BAZ2B: variants seen among roughly 807,000 people sequenced by gnomAD.
BAZ2B encodes bromodomain adjacent to zinc finger domain protein 2B.
BAZ2B carries 91 observed loss-of-function variants against 246.0 expected under a neutral mutation model. That is an observed-to-expected ratio of 0.37 (90% CI 0.31 to 0.44). BAZ2B has a LOEUF of 0.44. BAZ2B is among the 20% of genes least tolerant of loss of function. The probability of loss-of-function intolerance (pLI) is 1.00; values close to 1 mark genes in which losing one functional copy is unlikely to be tolerated. For missense variants in BAZ2B, 2,332 were observed against 2,533.7 expected (o/e 0.92, Z 1.71); for synonymous variants, 855 against 860.0 (o/e 0.99, Z 0.10).
At chr2:159,448,015 T>A (rs188180801) in intron 5 of BAZ2B, among the ~76,000 whole-genome samples, 7 of 152,134 alleles carry the variant, frequency 4.6e-5, no homozygotes, top group Admixed American at 4.6e-4. Context: ...ACTGTAGTCC[T>A]TGGGAGGCTG....
downstream of BAZ2B, among the ~76,000 whole-genome samples, chr2:159,318,759 AAAG>A (rs551922812): frequency 2.5e-3 from 377 of 152,282 alleles, 1 homozygote; most frequent in African/African-American, 8.6e-3. Context: ...GTGAAATAAG[AAAG>A]AAGACAAGGT....
At chr2:159,514,164 ATTT>A (rs2083205789) in intron 2 of BAZ2B, among the ~76,000 whole-genome samples, 1 of 152,092 alleles carries the variant, frequency 6.6e-6, no homozygotes, top group Non-Finnish European at 1.5e-5. Flanking sequence ...TATGCAGTTT[ATTT>A]ATTATTATTA....
intron 1 of BAZ2B, among the ~76,000 whole-genome samples, chr2:159,584,162 G>A (rs1324580313): frequency 6.7e-6 from 1 of 148,656 alleles, no homozygotes; most frequent in African/African-American, 2.5e-5. Context: ...TTGCTTTATT[G>A]CCAGGCTGGA....
Position 159,405,017 on chromosome 2 carries a change from C to T in BAZ2B, c.2770+5G>A, listed in dbSNP as rs1207879620. On this transcript the variant is annotated splice_donor_5th_base_variant and intron_variant, in intron 15 of 36. Transcript: ENST00000392783. ...TCGAGTTTATGTTACATTTAAATCA[C>T]TCACCTTGTTGTTTTTTGGCTTCTT... The T allele has an allele frequency of 2.1e-5, 34 of 1,613,882 alleles. No homozygotes were observed. The highest frequency in any genetic ancestry group is 2.5e-5 in the Non-Finnish European group (30 of 1,179,886).
chr2:159,708,355 T>C, the BAZ2B span, among the ~76,000 whole-genome samples: 1 of 152,132 alleles, frequency 6.6e-6, no homozygotes, highest in Admixed American at 6.5e-5. Context: ...TTTCAGGCAG[T>C]GTGCAAGGTT....
At chr2:159,503,805 T>C (rs1419726588) in intron 2 of BAZ2B, among the ~76,000 whole-genome samples, 3 of 152,112 alleles carry the variant, frequency 2.0e-5, no homozygotes, top group African/African-American at 7.2e-5. Context: ...GGTCTCAAAC[T>C]CCTGACCTCA....
At chr2:159,444,705 A>G (rs956319330) in intron 6 of BAZ2B, 1 of 152,242 alleles carries the variant, frequency 6.6e-6, no homozygotes, top group African/African-American at 2.4e-5. Flanking sequence ...GTGACTACCC[A>G]TATCTTGCTA....
chr2:159,543,778 C>T lies in BAZ2B; in HGVS notation c.-3+12045G>A, dbSNP rs2086950498. ...CTTGATCCCTTGACCTCATGATCCA[C>T]CTACCTTGGCCTCCCAAAGTGCTGG... On this transcript the variant is annotated intron_variant, in intron 2 of 36. Transcript: ENST00000392783. Among the ~76,000 whole-genome samples, 6 of 152,362 alleles carry T rather than the reference C, an allele frequency of 3.9e-5. No homozygotes were observed. The South Asian group carries it at 1.2e-3, about 32-fold the overall frequency.
chr2:159,428,493 A>G, intron 11 of BAZ2B, 74 bp from the exon 12 acceptor site: 1 of 1,138,106 alleles, frequency 8.8e-7, no homozygotes, highest in East Asian at 2.4e-5. Flanking sequence ...AATAAGTTAA[A>G]GTATACATGT....
intron 13 of BAZ2B, among the ~76,000 whole-genome samples, chr2:159,425,711 C>T (rs1374327858): frequency 1.3e-5 from 2 of 152,210 alleles, no homozygotes; most frequent in African/African-American, 4.8e-5. Context: ...ATCATCACTG[C>T]ATGGTAGCAG....
rs151207106 is a variant in BAZ2B at position 159,390,409 on chromosome 2, A to G, written c.3076-924T>C. 3.2e-3 allele frequency among the ~76,000 whole-genome samples: 491 copies of G among 152,234 alleles called. 4 individuals carry two copies. The highest frequency in any genetic ancestry group is 0.011 in the African/African-American group (473 of 41,564). The stretch of plus-strand genomic sequence containing the variant: ...CAGCTGCTTATACTGGTTCACTCCA[A>G]TCAAGATCTTCATTTTTCCCATCTT... On this transcript the variant is annotated intron_variant, in intron 20 of 36. Coordinates refer to ENST00000392783, the MANE Select transcript of BAZ2B (RefSeq NM_013450.4).
intron 36 of BAZ2B, among the ~76,000 whole-genome samples, chr2:159,322,316 T>A (rs1156717469): frequency 6.6e-6 from 1 of 152,194 alleles, no homozygotes; most frequent in Non-Finnish European, 1.5e-5. Flanking sequence ...GACAGTTCAG[T>A]GGCATTTAAG....
the BAZ2B span, among the ~76,000 whole-genome samples, chr2:159,695,764 A>AT: frequency 3.3e-5 from 5 of 150,852 alleles, no homozygotes; most frequent in East Asian, 1.9e-4. Flanking sequence ...TTTTATTTTT[A>AT]TTTTTTTTGA....
the BAZ2B span, among the ~76,000 whole-genome samples, chr2:159,668,990 A>G: frequency 2.0e-5 from 3 of 152,102 alleles, no homozygotes; most frequent in African/African-American, 7.2e-5. Flanking sequence ...TAGGAGGCAG[A>G]GGTTGCAGTG....
chr2:159,627,518 GC>G, the BAZ2B span, among the ~76,000 whole-genome samples: 1 of 152,056 alleles, frequency 6.6e-6, no homozygotes, highest in South Asian at 2.1e-4. Flanking sequence ...TTCAACATAT[GC>G]AAATCAATAA....
At chr2:159,385,795 T>C (rs141957088) in intron 22 of BAZ2B, among the ~76,000 whole-genome samples, 67 of 152,200 alleles carry the variant, frequency 4.4e-4, no homozygotes, top group Middle Eastern at 3.4e-3. Context: ...GGATAATAAA[T>C]AGGGAAACAC....
intron 2 of BAZ2B, among the ~76,000 whole-genome samples, chr2:159,484,004 G>A (rs762459361): frequency 2.6e-5 from 4 of 152,114 alleles, no homozygotes; most frequent in Non-Finnish European, 5.9e-5. Context: ...CAGTGATTTT[G>A]GTTTTCTGAC....
intron 27 of BAZ2B, among the ~76,000 whole-genome samples, chr2:159,371,548 T>C (rs1413670171): frequency 2.0e-5 from 3 of 152,242 alleles, no homozygotes; most frequent in African/African-American, 7.2e-5. Flanking sequence ...TCAAGATCCT[T>C]CTTTCTGTCT....
intron 20 of BAZ2B, chr2:159,392,100 G>T (rs766908999): frequency 3.3e-5 from 5 of 152,108 alleles, no homozygotes; most frequent in Non-Finnish European, 7.3e-5. Flanking sequence ...TCATGTTCCA[G>T]CCTCACTGTA....
Sources: allele counts gnomAD v4.1 joint callset (sites outside exome capture counted in the v4.1 genomes callset), GRCh38; gene constraint gnomAD v4.1.1; transcripts MANE v1.5; gene names NCBI Gene and HGNC (gene_info 2026-07-23, HGNC 2026-07-21).